The following SPATS2 variants were observed in gnomAD, a reference collection of about 807,000 sequenced individuals.
SPATS2 encodes the protein spermatogenesis associated serine rich 2.
Under a neutral mutation model 63.7 loss-of-function variants are expected in SPATS2, and 38 were observed. That is an observed-to-expected ratio of 0.60 (90% CI 0.46 to 0.78). The LOEUF is 0.78. SPATS2 is among the 30% of genes least tolerant of loss of function. SPATS2 has a pLI of 0.00. For missense variants in SPATS2, 588 were observed against 666.2 expected, an observed-to-expected ratio of 0.88 and a Z score of 1.29; for synonymous variants, 207 against 232.9, an observed-to-expected ratio of 0.89 and a Z score of 1.01.
intron 2 of SPATS2, among the ~76,000 whole-genome samples, chr12:49,417,226 GTATTAAAATTTTTACCATTTAGGGA>G (rs1944904095): frequency 6.6e-6 from 1 of 152,204 alleles, no homozygotes; most frequent in African/African-American, 2.4e-5. Context: ...TAAAATCTCT[GTATTAAAATTTTTACCATTTAGGGA>G]TTAGCTTGAA....
chr12:49,394,460 A>G (rs892914788), intron 2 of SPATS2, among the ~76,000 whole-genome samples: 2 of 152,182 alleles, frequency 1.3e-5, no homozygotes, highest in East Asian at 1.9e-4. Context: ...CATGCTGACA[A>G]CATTGAATCT....
intron 2 of SPATS2, among the ~76,000 whole-genome samples, chr12:49,426,059 G>A (rs1313004573): frequency 6.6e-6 from 1 of 152,340 alleles, no homozygotes; most frequent in Non-Finnish European, 1.5e-5. Flanking sequence ...AAAAGCCTGC[G>A]TGTACGCCAG....
chr12:49,493,369 A>G lies in SPATS2; in HGVS notation c.265-1372A>G, dbSNP rs181726072. On this transcript the variant is annotated intron_variant, in intron 6 of 13. Coordinates refer to ENST00000552918, the MANE Select transcript of SPATS2 (RefSeq NM_023071.4). ...TATACTCACATGGCTCAAAATTCAA[A>G]AGTACAAGAGTTAATACACTGAAAC... Among the ~76,000 whole-genome samples, 225 of 152,196 alleles carry G rather than the reference A, an allele frequency of 1.5e-3. 2 individuals carry two copies. The highest frequency in any genetic ancestry group is 8.4e-4 in the Non-Finnish European group (57 of 68,014).
chr12:49,527,381 G>T lies in SPATS2; in HGVS notation c.*1126G>T, dbSNP rs566790991. 173 of 151,962 alleles carry T rather than the reference G, an allele frequency of 1.1e-3. 2 individuals carry two copies. Among genetic ancestry groups the T allele is most frequent in the Admixed American group, 0.011 (173 of 15,256 alleles). The allele number at this position is 151,962 out of a possible 1,614,324, so 9.4% of individuals were successfully genotyped here. Reference sequence around the variant, plus strand: ...ATTACTCATCAAAAAAATTGCTGCAGTCTTTACAGTTGAATAAATAAAAAC... The same window carrying T: ...ATTACTCATCAAAAAAATTGCTGCATTCTTTACAGTTGAATAAATAAAAAC... On this transcript the variant is annotated 3_prime_UTR_variant, in exon 14 of 14. Transcript: ENST00000552918.
At chr12:49,468,366 G>T (rs954054871) in intron 3 of SPATS2, among the ~76,000 whole-genome samples, 13 of 151,810 alleles carry the variant, frequency 8.6e-5, no homozygotes, top group African/African-American at 3.1e-4. Context: ...CACCATGTTG[G>T]CCAGGCTGGT....
At chr12:49,521,945 G>T (rs1355766290) in intron 11 of SPATS2, among the ~76,000 whole-genome samples, 1 of 151,464 alleles carries the variant, frequency 6.6e-6, no homozygotes, top group Non-Finnish European at 1.5e-5. Context: ...CCCACCCCCA[G>T]TTAAGAGGAG....
intron 3 of SPATS2, among the ~76,000 whole-genome samples, chr12:49,472,265 T>A (rs1363229554): frequency 1.3e-5 from 2 of 152,128 alleles, no homozygotes; most frequent in Non-Finnish European, 2.9e-5. Context: ...GCTATTTTTT[T>A]TTGTCTGTCT....
chr12:49,438,609 A>G (rs1216982745), intron 2 of SPATS2, among the ~76,000 whole-genome samples: 1 of 152,208 alleles, frequency 6.6e-6, no homozygotes, highest in Non-Finnish European at 1.5e-5. Flanking sequence ...TCTATTTTTA[A>G]AAAATTTTAG....
chr12:49,420,341 C>T (rs1944958291), intron 2 of SPATS2, among the ~76,000 whole-genome samples: 1 of 152,204 alleles, frequency 6.6e-6, no homozygotes, highest in East Asian at 1.9e-4. Context: ...CGCCTGTAAT[C>T]CCAGCAATTT....
At chr12:49,372,193 C>T (rs1010686803) in intron 2 of SPATS2, among the ~76,000 whole-genome samples, 15 of 152,004 alleles carry the variant, frequency 9.9e-5, no homozygotes, top group Non-Finnish European at 1.9e-4. Flanking sequence ...TACAGGCATG[C>T]ACCACCACAC....
intron 2 of SPATS2, chr12:49,389,594 G>C: frequency 1.8e-6 from 2 of 1,084,108 alleles, no homozygotes; most frequent in Non-Finnish European, 2.9e-6. Context: ...CGATGCAGCA[G>C]AAACTCTGAT....
intron 10 of SPATS2, 68 bp downstream of exon 10, chr12:49,514,681 T>G: frequency 7.0e-7 from 1 of 1,437,122 alleles, no homozygotes; most frequent in Non-Finnish European, 9.6e-7. Flanking sequence ...TCCCAACCCT[T>G]ATAACAAAAG....
chr12:49,455,777 A>G (rs1026436926), intron 2 of SPATS2, among the ~76,000 whole-genome samples: 1 of 152,088 alleles, frequency 6.6e-6, no homozygotes, highest in African/African-American at 2.4e-5. Flanking sequence ...ACATGCCACC[A>G]TGCCCAGCTA....
In SPATS2 at chr12:49,489,456, C is replaced by T; in HGVS notation, c.106-9C>T. The T allele has an allele frequency of 6.2e-7, 1 of 1,611,704 alleles. No homozygotes were observed. The highest frequency in any genetic ancestry group is 1.3e-5 in the African/African-American group (1 of 74,990). On this transcript the variant is annotated splice_polypyrimidine_tract_variant and intron_variant, in intron 4 of 13. Transcript: ENST00000552918. ...TGTTAGAATTAAATGACCCTGTCAT[C>T]TTTTCCAGATAAATGCGGTACGTGC...
At chr12:49,400,696 G>A (rs755367281) in intron 2 of SPATS2, among the ~76,000 whole-genome samples, 1 of 152,026 alleles carries the variant, frequency 6.6e-6, no homozygotes, top group Non-Finnish European at 1.5e-5. Context: ...GCATGGACGA[G>A]GAAATGTTCA....
intron 11 of SPATS2, among the ~76,000 whole-genome samples, chr12:49,520,083 G>A (rs891002913): frequency 4.0e-5 from 6 of 151,818 alleles, no homozygotes; most frequent in Non-Finnish European, 2.9e-5. Context: ...CGGTTCAAGC[G>A]CTTCTCCTGC....
chr12:49,375,873 A>G (rs778073580), intron 2 of SPATS2, among the ~76,000 whole-genome samples: 2 of 152,168 alleles, frequency 1.3e-5, no homozygotes, highest in South Asian at 4.2e-4. Context: ...CAGTGGCACA[A>G]TCTTGGCTTA....
intron 9 of SPATS2, among the ~76,000 whole-genome samples, chr12:49,510,222 C>T (rs1380902714): frequency 6.7e-6 from 1 of 150,022 alleles, no homozygotes; most frequent in African/African-American, 2.5e-5. Context: ...ATGATTACAC[C>T]ACTGCATTCC....
chr12:49,398,151 A>G (rs897053091), intron 2 of SPATS2, among the ~76,000 whole-genome samples: 6 of 150,706 alleles, frequency 4.0e-5, no homozygotes, highest in African/African-American at 9.7e-5. Context: ...AAAAAAAAAA[A>G]AAAAAAAAAG....
Sources: gnomAD v4.1 joint callset for allele counts (sites outside exome capture counted in the v4.1 genomes callset) on GRCh38, gnomAD v4.1.1 for gene constraint, MANE v1.5 for transcripts, NCBI Gene and HGNC (gene_info 2026-07-23, HGNC 2026-07-21) for gene names.